DOCK4: variants seen among roughly 807,000 people sequenced by gnomAD.
DOCK4 encodes the protein dedicator of cytokinesis 4.
DOCK4 carries 97 observed loss-of-function variants against 268.1 expected under a neutral mutation model. The observed-to-expected ratio is 0.36, with a 90% CI of 0.31 to 0.43. The LOEUF is 0.43. Ranked by LOEUF, DOCK4 falls within the 20% of genes least tolerant of loss-of-function variation. The probability of loss-of-function intolerance (pLI) is 1.00; values close to 1 mark genes in which losing one functional copy is unlikely to be tolerated. For missense variants in DOCK4, 2,145 were observed against 2,455.7 expected (o/e 0.87, Z 2.67); for synonymous variants, 954 against 887.2 (o/e 1.08, Z -1.34).
intron 1 of DOCK4, among the ~76,000 whole-genome samples, chr7:112,142,302 G>T (rs565740697): frequency 1.3e-5 from 2 of 152,262 alleles, no homozygotes; most frequent in East Asian, 3.9e-4. Flanking sequence ...GATCATTATT[G>T]AAGAGTTTTA....
At chr7:112,201,753 T>C (rs1378876710) in intron 1 of DOCK4, among the ~76,000 whole-genome samples, 3 of 152,068 alleles carry the variant, frequency 2.0e-5, no homozygotes. Flanking sequence ...AAGAATGCTT[T>C]AGTCACCATT....
intron 16 of DOCK4, among the ~76,000 whole-genome samples, chr7:111,884,062 A>AT (rs960046921): frequency 1.3e-5 from 2 of 152,026 alleles, no homozygotes; most frequent in African/African-American, 4.8e-5. Flanking sequence ...TTCAAATCTG[A>AT]TTTTTTTATC....
At chr7:111,796,052 C>T (rs910619059) in intron 30 of DOCK4, among the ~76,000 whole-genome samples, 3 of 152,190 alleles carry the variant, frequency 2.0e-5, no homozygotes, top group African/African-American at 7.2e-5. Flanking sequence ...ATGATCTCTG[C>T]TGGCAAGATG....
At chr7:111,772,324 A>C (rs1798171058) in intron 36 of DOCK4, among the ~76,000 whole-genome samples, 1 of 152,124 alleles carries the variant, frequency 6.6e-6, no homozygotes, top group South Asian at 2.1e-4. Context: ...AGTCAGGAGG[A>C]TCATGTGAGT....
intron 1 of DOCK4, among the ~76,000 whole-genome samples, chr7:112,161,193 TTAC>T (rs1266809317): frequency 1.3e-5 from 2 of 152,186 alleles, no homozygotes; most frequent in Non-Finnish European, 2.9e-5. Flanking sequence ...AACATATTTG[TTAC>T]TACCTATATA....
intron 10 of DOCK4, among the ~76,000 whole-genome samples, chr7:111,942,847 C>G (rs1795319116): frequency 6.6e-6 from 1 of 152,208 alleles, no homozygotes; most frequent in Admixed American, 6.5e-5. Flanking sequence ...CTTCCCCTCC[C>G]CTGTCCAGGT....
chr7:112,204,661 A>G (rs1821223156), intron 1 of DOCK4, among the ~76,000 whole-genome samples: 1 of 152,132 alleles, frequency 6.6e-6, no homozygotes, highest in African/African-American at 2.4e-5. Context: ...ATGGAAGCTA[A>G]CGTGAAATGT....
At chr7:112,066,741 A>C (rs187008418) in intron 1 of DOCK4, among the ~76,000 whole-genome samples, 1,126 of 90,022 alleles carry the variant, frequency 0.013, 45 homozygotes, top group African/African-American at 0.047. Context: ...ATATATATAT[A>C]TCTCCTATTG....
At chr7:111,754,288 A>G (rs1796882858) in intron 42 of DOCK4, among the ~76,000 whole-genome samples, 1 of 152,248 alleles carries the variant, frequency 6.6e-6, no homozygotes, top group Non-Finnish European at 1.5e-5. Flanking sequence ...TGCTGAATAG[A>G]GTTCAATTTT....
chr7:111,872,421 A>G (rs1806504432), intron 18 of DOCK4, 46 bp downstream of exon 18: 1 of 1,535,316 alleles, frequency 6.5e-7, no homozygotes, highest in Non-Finnish European at 8.8e-7. Flanking sequence ...AATGTTCTTT[A>G]TTCTATGAAT....
At chr7:112,093,742 G>A (rs77777116) in intron 1 of DOCK4, among the ~76,000 whole-genome samples, 2,759 of 152,140 alleles carry the variant, frequency 0.018, 75 homozygotes, top group African/African-American at 0.063. Context: ...GGAAGAGAAC[G>A]TCTTACACCC....
intron 22 of DOCK4, among the ~76,000 whole-genome samples, chr7:111,864,054 T>C (rs866568632): frequency 4.6e-5 from 7 of 152,182 alleles, no homozygotes; most frequent in Admixed American, 1.3e-4. Flanking sequence ...AAGTTACACA[T>C]AGTATTAGCT....
intron 1 of DOCK4, among the ~76,000 whole-genome samples, chr7:112,112,443 AC>A (rs1811751932): frequency 6.6e-6 from 1 of 152,068 alleles, no homozygotes; most frequent in South Asian, 2.1e-4. Flanking sequence ...GGAGTTCGAG[AC>A]CAGCCTGGCC....
chr7:111,984,215 C>T lies in DOCK4; in HGVS notation c.549+91G>A, dbSNP rs1481391356. 50 of 1,152,366 alleles carry T rather than the reference C, an allele frequency of 4.3e-5. No individual in the cohort carries two copies. In the East Asian group the frequency reaches 9.7e-4, roughly 22 times the overall value. 71.4% of individuals were successfully genotyped at this position (1,152,366 alleles called of 1,614,324 possible). On this transcript the variant is annotated intron_variant, in intron 7 of 52. Transcript: ENST00000428084. ...TCTCTCTAAATTAATCCTGGAACAT[C>T]CTGTTCTTACAAAATCAAGCAAGTA...
chr7:111,888,020 G>C (rs930436419), intron 16 of DOCK4, among the ~76,000 whole-genome samples: 1 of 151,966 alleles, frequency 6.6e-6, no homozygotes, highest in African/African-American at 2.4e-5. Context: ...AAGAAGTTAA[G>C]GAAGTTCCTG....
chr7:112,126,685 C>G (rs924178049), intron 1 of DOCK4, among the ~76,000 whole-genome samples: 2 of 152,120 alleles, frequency 1.3e-5, no homozygotes, highest in African/African-American at 4.8e-5. Flanking sequence ...TATCCAGAAT[C>G]TACAATGAAC....
chr7:111,727,882 A>C lies in DOCK4; in HGVS notation c.*392T>G, dbSNP rs1175728270. The C allele has an allele frequency of 6.1e-6, 1 of 163,074 alleles. No homozygotes were observed. Among genetic ancestry groups the C allele is most frequent in the Non-Finnish European group, 1.3e-5 (1 of 75,804 alleles). The allele number at this position is 163,074 out of a possible 1,614,324, so 10.1% of individuals were successfully genotyped here. A position where few individuals can be genotyped will look rare whatever the true frequency, so the allele number is the denominator to read the frequency against. ...GACCACTGTGTTAGGATGTGCACTG[A>C]CTTAATAAGCTTTCTCCAAGTATCA... On this transcript the variant is annotated 3_prime_UTR_variant, in exon 53 of 53. Transcript: ENST00000428084.
intron 14 of DOCK4, 84 bp from the exon 15 acceptor site, chr7:111,900,620 T>A: frequency 7.2e-7 from 1 of 1,394,524 alleles, no homozygotes; most frequent in South Asian, 1.4e-5. Flanking sequence ...TTGCTCTATC[T>A]GCCTGCCTCT....
chr7:111,971,174 T>C (rs1586534887), intron 8 of DOCK4: 1 of 152,840 alleles, frequency 6.5e-6, no homozygotes, highest in African/African-American at 2.4e-5. Flanking sequence ...TTTTGTTTTT[T>C]GAGGAGATTA....
Sources: allele counts gnomAD v4.1 joint callset (sites outside exome capture counted in the v4.1 genomes callset), GRCh38; gene constraint gnomAD v4.1.1; transcripts MANE v1.5; gene names NCBI Gene and HGNC (gene_info 2026-07-23, HGNC 2026-07-21).